The following PMP22 variants were observed in gnomAD, a reference collection of about 807,000 sequenced individuals.
PMP22 encodes peripheral myelin protein 22, also known as Charcot-Marie-Tooth neuropathy 1A (greatly reduced nerve conduction velocity, hereditary motor sensory neuropathy Ia).
In PMP22, 2 loss-of-function variants were observed where a neutral mutation model predicts 18.9. The ratio of observed to expected loss-of-function variants is 0.11; its 90% CI spans 0.04 to 0.33. The LOEUF (loss-of-function observed/expected upper bound fraction) is 0.33, where lower values mean the gene tolerates loss of function less well. Among genes scored for constraint, PMP22 ranks in the 10% least tolerant of loss-of-function variants. PMP22 has a pLI of 1.00. For synonymous variants in PMP22, 95 were observed against 89.2 expected (o/e 1.07, Z -0.37); for missense variants, 169 against 202.2 (o/e 0.84, Z 1.00).
At chr17:15,246,015 G>T (rs1352534577) in intron 3 of PMP22, among the ~76,000 whole-genome samples, 1 of 118,262 alleles carries the variant, frequency 8.5e-6, no homozygotes, top group East Asian at 2.6e-4. Flanking sequence ...AGCAAGACTC[G>T]TCTCAAAAAA....
intron 3 of PMP22, among the ~76,000 whole-genome samples, chr17:15,241,551 A>T (rs1860295): frequency 0.56 from 85,259 of 151,948 alleles, 24,555 homozygotes; most frequent in African/African-American, 0.7. Context: ...TTCACCCTTA[A>T]CCCCGCGCCC....
intron 1 of PMP22, among the ~76,000 whole-genome samples, chr17:15,264,434 G>A (rs1299072549): frequency 6.6e-6 from 1 of 152,126 alleles, no homozygotes; most frequent in African/African-American, 2.4e-5. Context: ...ACACTTATGT[G>A]ATCACAACAT....
chr17:15,231,705 A>T (rs543940986), intron 4 of PMP22, among the ~76,000 whole-genome samples: 1 of 152,356 alleles, frequency 6.6e-6, no homozygotes, highest in East Asian at 1.9e-4. Flanking sequence ...TGCAGCCGAC[A>T]GTATGACTGG....
chr17:15,255,767 C>A (rs1047708225), intron 3 of PMP22, among the ~76,000 whole-genome samples: 2 of 152,154 alleles, frequency 1.3e-5, no homozygotes, highest in African/African-American at 4.8e-5. Flanking sequence ...AAATCCTGCC[C>A]ATCCTTTGGA....
At chr17:15,252,471 C>T (rs1908445854) in intron 3 of PMP22, among the ~76,000 whole-genome samples, 1 of 152,154 alleles carries the variant, frequency 6.6e-6, no homozygotes, top group Non-Finnish European at 1.5e-5. Context: ...TGGTCATCTT[C>T]TCAGCGTCTG....
At chr17:15,263,224 C>G (rs1048392109) in intron 1 of PMP22, among the ~76,000 whole-genome samples, 1 of 152,208 alleles carries the variant, frequency 6.6e-6, no homozygotes, top group South Asian at 2.1e-4. Context: ...TTGGGCTCCT[C>G]CTAGCCTAGG....
At chr17:15,260,627 G>A in intron 2 of PMP22, 23 bp downstream of exon 2, 3 of 1,545,972 alleles carry the variant, frequency 1.9e-6, no homozygotes, top group South Asian at 2.4e-5. Flanking sequence ...GCCGCGCAGG[G>A]AGCCTCCCCG....
chr17:15,257,838 G>C (rs562001407), intron 3 of PMP22, among the ~76,000 whole-genome samples: 93 of 152,222 alleles, frequency 6.1e-4, no homozygotes, highest in African/African-American at 2.1e-3. Flanking sequence ...CATAAAGCAG[G>C]GTTTTCTACT....
chr17:15,260,385 A>G, intron 2 of PMP22: 1 of 539,802 alleles, frequency 1.9e-6, no homozygotes, highest in Non-Finnish European at 3.3e-6. Flanking sequence ...AAGGTCGGGG[A>G]CCCTAGATCG....
intron 3 of PMP22, among the ~76,000 whole-genome samples, chr17:15,246,018 T>C (rs1485242037): frequency 1.2e-5 from 1 of 82,250 alleles, no homozygotes; most frequent in Non-Finnish European, 2.4e-5. Flanking sequence ...AAGACTCGTC[T>C]CAAAAAAAAA....
At chr17:15,256,786 AT>A (rs1164509166) in intron 3 of PMP22, among the ~76,000 whole-genome samples, 1 of 152,104 alleles carries the variant, frequency 6.6e-6, no homozygotes, top group Admixed American at 6.5e-5. Context: ...AAAAGTACAC[AT>A]TTTTTTCAGC....
chr17:15,258,812 T>C lies in PMP22; in HGVS notation c.178+282A>G, dbSNP rs1909051491. The C allele has an allele frequency of 6.5e-6, 3 of 463,214 alleles. No individual in the cohort carries two copies. Among genetic ancestry groups the C allele is most frequent in the Non-Finnish European group, 4.0e-6 (1 of 250,518 alleles). 28.7% of individuals were successfully genotyped at this position (463,214 alleles called of 1,614,324 possible). On this transcript the variant is annotated intron_variant, in intron 3 of 4. Transcript: ENST00000312280. The surrounding 1 kb of genome is among the most constrained non-coding windows in gnomAD (Gnocchi z 4.1). The stretch of plus-strand genomic sequence containing the variant: ...ACCACCTTCACAGCTCCCAGGTCGA[T>C]ATTTTTTTCAATCACAAAAAGCATT...
chr17:15,239,341 TATGGAAAGC>T lies in PMP22; in HGVS notation c.319+121_319+129del. 3 of 1,088,596 alleles carry T rather than the reference TATGGAAAGC, an allele frequency of 2.8e-6. No individual in the cohort carries two copies. The Admixed American group carries it at 5.1e-5, about 19-fold the overall frequency. 67.4% of individuals were successfully genotyped at this position (1,088,596 alleles called of 1,614,324 possible). On this transcript the variant is annotated intron_variant, in intron 4 of 4. Transcript: ENST00000312280. ...CACATACAAGCACCCACCCTCACTTTATGGAAAGCATCCAGTGGGGAGACTCATGAACAT... is the reference window on the plus strand; with the variant it reads ...CACATACAAGCACCCACCCTCACTTTATCCAGTGGGGAGACTCATGAACAT...
At chr17:15,244,019 T>G (rs890591048) in intron 3 of PMP22, among the ~76,000 whole-genome samples, 1 of 151,954 alleles carries the variant, frequency 6.6e-6, no homozygotes, top group Admixed American at 6.6e-5. Context: ...GGCTATTCAT[T>G]TGGTAAAACA....
chr17:15,255,191 G>C (rs1326770110), intron 3 of PMP22, among the ~76,000 whole-genome samples: 3 of 152,192 alleles, frequency 2.0e-5, no homozygotes, highest in African/African-American at 7.2e-5. Context: ...TTGGGTATGG[G>C]AGGGGATGGT....
At position 15,239,522 on chromosome 17, in the gene PMP22, G is replaced by C. The variant is rs147114400; in HGVS notation, c.268C>G (p.Leu90Val). 67 of 1,613,994 alleles carry C rather than the reference G, an allele frequency of 4.2e-5. No individual in the cohort carries two copies. In the African/African-American group the frequency reaches 8.7e-4, roughly 21 times the overall value. ...ATGTAAAACCTGCCCCCCTTGGTGA[G>C]GGTGAAGAGTTGGCAGAAGAACAGG... ...LFLFFCQLFT[L>V]TKGGRFYITG... Residue 90 changes from leucine (L) to valine (V), a missense_variant, in exon 4 of 5, where the codon CTC becomes GTC. Coordinates refer to ENST00000312280, the MANE Select transcript of PMP22 (RefSeq NM_000304.4).
At chr17:15,264,851 G>C (rs960154433) in intron 1 of PMP22, among the ~76,000 whole-genome samples, 1 of 152,182 alleles carries the variant, frequency 6.6e-6, no homozygotes, top group Non-Finnish European at 1.5e-5. Flanking sequence ...CCTGCCAGCT[G>C]TGTGTGCACA....
chr17:15,254,655 C>T (rs231024), intron 3 of PMP22, among the ~76,000 whole-genome samples: 53,977 of 151,864 alleles, frequency 0.36, 11,011 homozygotes, highest in Non-Finnish European at 0.45. Context: ...GAGGTCTGGA[C>T]TCATTAAATA....
At chr17:15,243,228 C>T in intron 3 of PMP22, among the ~76,000 whole-genome samples, 1 of 152,026 alleles carries the variant, frequency 6.6e-6, no homozygotes, top group Non-Finnish European at 1.5e-5. Context: ...ATAAAAATGT[C>T]TGGTTCTTTG....
Sources: gnomAD v4.1 joint callset for allele counts (sites outside exome capture counted in the v4.1 genomes callset) on GRCh38, gnomAD v4.1.1 for gene constraint, Gnocchi (gnomAD v3.1) non-coding constraint, MANE v1.5 for transcripts, NCBI Gene and HGNC (gene_info 2026-07-23, HGNC 2026-07-21) for gene names.